Variants in GLYATL2 observed in about 807,000 individuals in gnomAD.
GLYATL2 encodes the protein glycine-N-acyltransferase like 2.
GLYATL2 carries 25 observed loss-of-function variants against 21.4 expected under a neutral mutation model. The ratio of observed to expected loss-of-function variants is 1.17; its 90% CI spans 0.85 to 1.63. The LOEUF (loss-of-function observed/expected upper bound fraction) is 1.63. Ranked by LOEUF, GLYATL2 falls within the 40% of genes most tolerant of loss-of-function variation. The pLI, the probability that GLYATL2 is intolerant of heterozygous loss-of-function variation, is 0.00. For missense variants in GLYATL2, 361 were observed against 343.3 expected (o/e 1.05, Z -0.41); for synonymous variants, 114 against 118.2 (o/e 0.96, Z 0.23).
chr11:58,890,029 G>T (rs1448111535), intron 1 of GLYATL2, among the ~76,000 whole-genome samples: 2 of 152,006 alleles, frequency 1.3e-5, no homozygotes, highest in Admixed American at 1.3e-4. Flanking sequence ...ATGAGTCTTG[G>T]AGTACGGACA....
intron 1 of GLYATL2, among the ~76,000 whole-genome samples, chr11:58,855,450 G>A (rs191797674): frequency 6.0e-4 from 91 of 152,290 alleles, no homozygotes; most frequent in Middle Eastern, 3.4e-3. Flanking sequence ...AGTAAACCAC[G>A]CTGTAAATAG....
At chr11:58,853,693 T>G (rs979204372) in intron 1 of GLYATL2, among the ~76,000 whole-genome samples, 1 of 152,238 alleles carries the variant, frequency 6.6e-6, no homozygotes, top group African/African-American at 2.4e-5. Flanking sequence ...TAACTATTTA[T>G]TTACAAATGA....
intron 1 of GLYATL2, among the ~76,000 whole-genome samples, chr11:58,842,182 G>T (rs1853564948): frequency 1.3e-5 from 2 of 152,162 alleles, no homozygotes; most frequent in Non-Finnish European, 2.9e-5. Flanking sequence ...ATTAATTCAT[G>T]TAATCGTCAA....
At chr11:58,851,058 T>C (rs1853732583) in intron 1 of GLYATL2, among the ~76,000 whole-genome samples, 1 of 152,168 alleles carries the variant, frequency 6.6e-6, no homozygotes, top group Non-Finnish European at 1.5e-5. Flanking sequence ...GCCCCCTGTC[T>C]GGTGGACACG....
chr11:58,905,288 A>C, upstream of GLYATL2: 2 of 375,340 alleles, frequency 5.3e-6, no homozygotes, highest in South Asian at 3.9e-5. Context: ...TCTAGACCTC[A>C]CGCAGACGCG....
At chr11:58,901,502 T>C (rs1409977371) in intron 1 of GLYATL2, among the ~76,000 whole-genome samples, 2 of 152,276 alleles carry the variant, frequency 1.3e-5, no homozygotes, top group East Asian at 3.9e-4. Flanking sequence ...ATCCAAGTGA[T>C]ACGGTTGAAC....
chr11:58,846,930 C>T (rs1853654734), upstream of GLYATL2, among the ~76,000 whole-genome samples: 1 of 151,986 alleles, frequency 6.6e-6, no homozygotes, highest in African/African-American at 2.4e-5. Context: ...TAAAGAGACT[C>T]CTTCCCTCTG....
At chr11:58,841,060 G>A (rs1853542469) in intron 1 of GLYATL2, among the ~76,000 whole-genome samples, 1 of 151,886 alleles carries the variant, frequency 6.6e-6, no homozygotes, top group East Asian at 1.9e-4. Context: ...ATATAAATAT[G>A]TAATACCTCA....
chr11:58,834,378 A>G lies in GLYATL2; in HGVS notation c.*51T>C, dbSNP rs1853385043. 1 of 1,432,570 alleles carries G rather than the reference A, an allele frequency of 7.0e-7. No homozygotes were observed. The highest frequency in any genetic ancestry group is 2.2e-5 in the Admixed American group (1 of 45,468). The allele number at this position is 1,432,570 out of a possible 1,614,324, so 88.7% of individuals were successfully genotyped here. On this transcript the variant is annotated 3_prime_UTR_variant, in exon 6 of 6. Coordinates refer to ENST00000287275, the MANE Select transcript of GLYATL2 (RefSeq NM_145016.4). ...TGTAGATCACAATGCTTGTGTTTGA[A>G]TTAATGTTTTTTTACTGATAAGAAA...
intron 1 of GLYATL2, among the ~76,000 whole-genome samples, chr11:58,862,901 C>T (rs1287625281): frequency 6.6e-6 from 1 of 152,046 alleles, no homozygotes; most frequent in Non-Finnish European, 1.5e-5. Context: ...GGTGTCTGCA[C>T]ATTTGAAAAA....
chr11:58,880,066 G>A (rs528388), intron 1 of GLYATL2, among the ~76,000 whole-genome samples: 7,063 of 152,104 alleles, frequency 0.046, 227 homozygotes, highest in Non-Finnish European at 0.071. Flanking sequence ...CACCATGTTA[G>A]CCAGGATAGT....
At chr11:58,907,041 A>T (rs564686218), upstream of GLYATL2, among the ~76,000 whole-genome samples, 1 of 152,176 alleles carries the variant, frequency 6.6e-6, no homozygotes, top group South Asian at 2.1e-4. Flanking sequence ...CTTAATTTAG[A>T]AATGAGGAAA....
At chr11:58,897,803 C>T (rs1356041567) in intron 1 of GLYATL2, among the ~76,000 whole-genome samples, 2 of 152,166 alleles carry the variant, frequency 1.3e-5, no homozygotes, top group Admixed American at 1.3e-4. Context: ...CAGTTACAAA[C>T]ACTGAACTTT....
Position 58,864,125 on chromosome 11 carries a change from C to A in GLYATL2, n.61-25757G>T, listed in dbSNP as rs150542258. Among the ~76,000 whole-genome samples, 169 of 152,218 alleles carry A rather than the reference C, an allele frequency of 1.1e-3. 4 individuals are homozygous for A. The East Asian group carries it at 0.031, about 28-fold the overall frequency. On this transcript the variant is annotated intron_variant and non_coding_transcript_variant, in intron 1 of 4. Transcript: ENST00000533636. ...GACTTGGAGTCTGTGACCACGGGGG[C>A]TAGCCTGGCGCTAGGCAGTCCTAGA...
At chr11:58,899,228 T>A (rs1182760762) in intron 1 of GLYATL2, among the ~76,000 whole-genome samples, 8 of 152,022 alleles carry the variant, frequency 5.3e-5, no homozygotes, top group African/African-American at 1.9e-4. Flanking sequence ...ATAAAATGAA[T>A]GGACATTCCC....
upstream of GLYATL2, among the ~76,000 whole-genome samples, chr11:58,845,243 A>G (rs1276523466): frequency 6.6e-6 from 1 of 152,196 alleles, no homozygotes; most frequent in Non-Finnish European, 1.5e-5. Flanking sequence ...AAAGCTATCT[A>G]AAAGAATCTG....
intron 1 of GLYATL2, among the ~76,000 whole-genome samples, chr11:58,897,583 A>G (rs1854656698): frequency 6.6e-6 from 1 of 152,068 alleles, no homozygotes; most frequent in South Asian, 2.1e-4. Flanking sequence ...ATAAATGCAC[A>G]CACACACACA....
chr11:58,834,441 C>A lies in GLYATL2; in HGVS notation c.873G>T (p.Lys291Asn). The A allele has an allele frequency of 6.3e-7, 1 of 1,588,190 alleles. No individual in the cohort carries two copies. The highest frequency in any genetic ancestry group is 1.8e-4 in the Middle Eastern group (1 of 5,564). Residue 291 changes from lysine (K) to asparagine (N), a missense_variant, in exon 6 of 6, where the codon AAG becomes AAT. Coordinates refer to ENST00000287275, the MANE Select transcript of GLYATL2 (RefSeq NM_145016.4). ...CGWHQWKCTPKKYC is the reference protein window; with the variant it reads ...CGWHQWKCTPNKYC Reference sequence around the variant, plus strand: ...ACAGTGGAATCAATCAACAATATTTCTTGGGGGTGCATTTCCACTGATGCC... The same window carrying A: ...ACAGTGGAATCAATCAACAATATTTATTGGGGGTGCATTTCCACTGATGCC...
chr11:58,834,272 AGAG>A lies in GLYATL2; in HGVS notation c.*154_*156del. The A allele has an allele frequency of 2.0e-6, 1 of 512,442 alleles. No homozygotes were observed. The highest frequency in any genetic ancestry group is 3.2e-5 in the East Asian group (1 of 30,836). 31.7% of individuals were successfully genotyped at this position (512,442 alleles called of 1,614,324 possible). On this transcript the variant is annotated 3_prime_UTR_variant, in exon 6 of 6. Coordinates refer to ENST00000287275, the MANE Select transcript of GLYATL2 (RefSeq NM_145016.4). ...AGCTTCTAATTTTCTGTAAGAATACAGAGGAGAAGGAAGGTAAAACTGTTAAGG... is the reference window on the plus strand; with the variant it reads ...AGCTTCTAATTTTCTGTAAGAATACAGAGAAGGAAGGTAAAACTGTTAAGG...
Sources: allele counts gnomAD v4.1 joint callset (sites outside exome capture counted in the v4.1 genomes callset), GRCh38; gene constraint gnomAD v4.1.1; transcripts MANE v1.5; gene names NCBI Gene and HGNC (gene_info 2026-07-23, HGNC 2026-07-21).